Variants in SBF2 observed in about 807,000 individuals in gnomAD.
SBF2 encodes myotubularin-related protein 13.
SBF2 carries 112 observed loss-of-function variants against 225.2 expected under a neutral mutation model. The observed-to-expected ratio is 0.50, with a 90% CI of 0.43 to 0.58. SBF2 has a LOEUF of 0.58. Among genes scored for constraint, SBF2 ranks in the 20% least tolerant of loss-of-function variants. The pLI is 0.00. For missense variants in SBF2, 1,996 were observed against 2,206.2 expected, an observed-to-expected ratio of 0.90 and a Z score of 1.91; for synonymous variants, 763 against 773.3, an observed-to-expected ratio of 0.99 and a Z score of 0.22.
At chr11:9,920,925 C>T (rs2134223443) in intron 16 of SBF2, among the ~76,000 whole-genome samples, 1 of 152,168 alleles carries the variant, frequency 6.6e-6, no homozygotes, top group Middle Eastern at 3.4e-3. Flanking sequence ...CTTAATTTTC[C>T]CATTCATTGC....
At chr11:10,057,209 C>T (rs181772841) in intron 2 of SBF2, among the ~76,000 whole-genome samples, 6 of 152,022 alleles carry the variant, frequency 3.9e-5, no homozygotes, top group African/African-American at 7.2e-5. Context: ...TACATGGGTG[C>T]CTGTTCCCAT....
At chr11:9,920,633 T>C (rs909072456) in intron 16 of SBF2, among the ~76,000 whole-genome samples, 1 of 152,230 alleles carries the variant, frequency 6.6e-6, no homozygotes, top group Non-Finnish European at 1.5e-5. Flanking sequence ...AATTTCTTTA[T>C]GATTTTATCT....
chr11:10,051,698 A>G (rs576658004), intron 2 of SBF2, among the ~76,000 whole-genome samples: 13 of 152,262 alleles, frequency 8.5e-5, no homozygotes, highest in African/African-American at 2.4e-4. Context: ...TATATTCTCA[A>G]ATAAAATACA....
intron 28 of SBF2, among the ~76,000 whole-genome samples, chr11:9,820,568 C>G (rs1041886237): frequency 6.6e-6 from 1 of 152,200 alleles, no homozygotes; most frequent in African/African-American, 2.4e-5. Context: ...CTTAACACAT[C>G]ACACTTTCTT....
chr11:10,122,462 A>T (rs1213657403), intron 2 of SBF2, among the ~76,000 whole-genome samples: 1 of 152,210 alleles, frequency 6.6e-6, no homozygotes, highest in Admixed American at 6.5e-5. Context: ...CAGGCCCTAA[A>T]AACTTGCTTA....
At chr11:10,049,009 T>C (rs1271430861) in intron 2 of SBF2, among the ~76,000 whole-genome samples, 1 of 152,206 alleles carries the variant, frequency 6.6e-6, no homozygotes, top group Admixed American at 6.5e-5. Context: ...TCCGTAATTA[T>C]CTGAAAAAGC....
intron 17 of SBF2, among the ~76,000 whole-genome samples, chr11:9,867,255 CCTA>C (rs1334938241): frequency 1.3e-5 from 2 of 152,050 alleles, no homozygotes; most frequent in Non-Finnish European, 2.9e-5. Context: ...AATATATACA[CCTA>C]CTATGTACCC....
chr11:9,851,263 A>G (rs550919480), intron 21 of SBF2, among the ~76,000 whole-genome samples: 1 of 152,316 alleles, frequency 6.6e-6, no homozygotes, highest in South Asian at 2.1e-4. Flanking sequence ...AAGACTGTGA[A>G]CCCAACTGTT....
chr11:10,220,290 G>A (rs1280861945), intron 1 of SBF2, among the ~76,000 whole-genome samples: 2 of 151,828 alleles, frequency 1.3e-5, no homozygotes, highest in Admixed American at 6.6e-5. Flanking sequence ...ACCCACCCTC[G>A]CCCCACCAGC....
intron 16 of SBF2, among the ~76,000 whole-genome samples, chr11:9,901,797 A>G (rs1462453027): frequency 6.6e-6 from 1 of 152,134 alleles, no homozygotes; most frequent in Non-Finnish European, 1.5e-5. Context: ...GGCATGTGCT[A>G]CCACGCCCAG....
chr11:9,847,974 T>A (rs573508743), intron 22 of SBF2, among the ~76,000 whole-genome samples: 57 of 151,770 alleles, frequency 3.8e-4, no homozygotes, highest in Middle Eastern at 6.8e-3. Flanking sequence ...GATGGAGCTT[T>A]AAAGGAAGTG....
chr11:10,090,630 T>TCA (rs1233837210), intron 2 of SBF2, among the ~76,000 whole-genome samples: 1 of 151,858 alleles, frequency 6.6e-6, no homozygotes, highest in Admixed American at 6.6e-5. Flanking sequence ...CCGGGTGTGG[T>TCA]CACACACGCC....
intron 2 of SBF2, among the ~76,000 whole-genome samples, chr11:10,189,165 C>T (rs1957062102): frequency 6.6e-6 from 1 of 152,154 alleles, no homozygotes; most frequent in African/African-American, 2.4e-5. Context: ...TAGTATCTGC[C>T]TATCTTTATT....
chr11:9,921,304 A>C (rs1450769499), intron 16 of SBF2, among the ~76,000 whole-genome samples: 1 of 152,112 alleles, frequency 6.6e-6, no homozygotes, highest in Non-Finnish European at 1.5e-5. Context: ...TCCCGACCTC[A>C]GGTTATCCGC....
At chr11:9,833,605 A>G (rs1410175966) in intron 26 of SBF2, among the ~76,000 whole-genome samples, 1 of 151,906 alleles carries the variant, frequency 6.6e-6, no homozygotes, top group Non-Finnish European at 1.5e-5. Context: ...TATTTTCAAT[A>G]GAGACGGGGT....
At chr11:10,279,137 C>T (rs183221405) in intron 1 of SBF2, among the ~76,000 whole-genome samples, 1,986 of 130,272 alleles carry the variant, frequency 0.015, 49 homozygotes, top group African/African-American at 0.05. Context: ...AAAAGCCAGG[C>T]GTGGTGGCTC....
At chr11:10,176,252 T>C (rs1956458552) in intron 2 of SBF2, among the ~76,000 whole-genome samples, 2 of 149,218 alleles carry the variant, frequency 1.3e-5, no homozygotes, top group Non-Finnish European at 3.0e-5. Context: ...AGATCCAAAA[T>C]TGACACCCTA....
At chr11:10,267,496 G>C (rs1236698121) in intron 1 of SBF2, among the ~76,000 whole-genome samples, 1 of 152,202 alleles carries the variant, frequency 6.6e-6, no homozygotes, top group African/African-American at 2.4e-5. Flanking sequence ...GTGAAGGTGA[G>C]AGAGAAAGGA....
chr11:10,033,435 C>T (rs1431591693), intron 3 of SBF2, among the ~76,000 whole-genome samples: 8 of 151,814 alleles, frequency 5.3e-5, no homozygotes, highest in African/African-American at 1.5e-4. Context: ...TAGTTATTAA[C>T]GAGAAAGAAA....
Sources: gnomAD v4.1 joint callset for allele counts (sites outside exome capture counted in the v4.1 genomes callset) on GRCh38, gnomAD v4.1.1 for gene constraint, MANE v1.5 for transcripts, NCBI Gene and HGNC (gene_info 2026-07-23, HGNC 2026-07-21) for gene names.